Variants in RSU1 observed in about 807,000 individuals in gnomAD.
RSU1 encodes the protein Ras suppressor protein 1, also known as rsu-1.
In RSU1, 26 loss-of-function variants were observed where a neutral mutation model predicts 31.1. The ratio of observed to expected loss-of-function variants is 0.84; its 90% CI spans 0.61 to 1.16. The LOEUF (loss-of-function observed/expected upper bound fraction) is 1.16, where lower values mean the gene tolerates loss of function less well. Ranked by LOEUF, RSU1 falls within the 50% of genes most tolerant of loss-of-function variation. The probability of loss-of-function intolerance (pLI) is 0.00; values close to 1 mark genes in which losing one functional copy is unlikely to be tolerated. For missense variants in RSU1, 320 were observed against 339.1 expected (o/e 0.94, Z 0.44); for synonymous variants, 164 against 136.3 (o/e 1.20, Z -1.41).
chr10:16,813,193 T>C (rs1838446112), intron 2 of RSU1, among the ~76,000 whole-genome samples: 3 of 152,146 alleles, frequency 2.0e-5, no homozygotes, highest in African/African-American at 7.2e-5. Context: ...TCTTGGAAGC[T>C]TTAACGAGAA....
chr10:16,757,511 A>G (rs1239223379), intron 4 of RSU1, among the ~76,000 whole-genome samples: 1 of 152,236 alleles, frequency 6.6e-6, no homozygotes, highest in African/African-American at 2.4e-5. Context: ...AGCAAGAACA[A>G]ACATTCTCCA....
At chr10:16,752,242 C>G (rs1427119014) in intron 7 of RSU1, among the ~76,000 whole-genome samples, 1 of 152,158 alleles carries the variant, frequency 6.6e-6, no homozygotes, top group Non-Finnish European at 1.5e-5. Flanking sequence ...AGGGATAAGG[C>G]TCTTACTACT....
At chr10:16,668,998 G>A (rs551800900) in intron 8 of RSU1, among the ~76,000 whole-genome samples, 3 of 152,280 alleles carry the variant, frequency 2.0e-5, no homozygotes, top group African/African-American at 7.2e-5. Context: ...AAGAGGTGGT[G>A]CACTTTTCCT....
At chr10:16,741,985 G>C (rs960035648) in intron 7 of RSU1, among the ~76,000 whole-genome samples, 43 of 152,220 alleles carry the variant, frequency 2.8e-4, no homozygotes, top group African/African-American at 9.9e-4. Flanking sequence ...ACTGATTACA[G>C]AAATATAATG....
chr10:16,810,898 T>C lies in RSU1; in HGVS notation c.109+6075A>G, dbSNP rs559048219. ...TTTGCCGGCAGTGGTGGCATGTGCC[T>C]GTAATCTACGCTACTTGGGAGGCTG... On this transcript the variant is annotated intron_variant, in intron 2 of 8. Transcript: ENST00000345264. Among the ~76,000 whole-genome samples, 121 of 152,200 alleles carry C rather than the reference T, an allele frequency of 8.0e-4. 3 individuals are homozygous for C. In the South Asian group the frequency reaches 0.024, roughly 31 times the overall value.
chr10:16,657,939 A>C (rs1305373204), intron 8 of RSU1, among the ~76,000 whole-genome samples: 2 of 152,132 alleles, frequency 1.3e-5, no homozygotes, highest in African/African-American at 2.4e-5. Flanking sequence ...GCAGTGAGCC[A>C]AGATCACACG....
Position 16,705,681 on chromosome 10 carries a change from G to A in RSU1, c.599-10526C>T, listed in dbSNP as rs112983805. Among the ~76,000 whole-genome samples the A allele has an allele frequency of 7.5e-3, 1,139 of 152,126 alleles. 13 individuals are homozygous for A. Among genetic ancestry groups the A allele is most frequent in the African/African-American group, 0.025 (1,040 of 41,488 alleles). On this transcript the variant is annotated intron_variant, in intron 7 of 8. Coordinates refer to ENST00000345264, the MANE Select transcript of RSU1 (RefSeq NM_012425.4). ...TTTTTGTATTTTTTAGTAGAGATGGGGTTTCACCATGTTGGCCAAGCTGGT... is the reference window on the plus strand; with the variant it reads ...TTTTTGTATTTTTTAGTAGAGATGGAGTTTCACCATGTTGGCCAAGCTGGT...
chr10:16,646,870 C>G (rs1834582290), intron 8 of RSU1, among the ~76,000 whole-genome samples: 1 of 152,142 alleles, frequency 6.6e-6, no homozygotes, highest in African/African-American at 2.4e-5. Context: ...AATCAACACG[C>G]AAACCAAAAC....
intron 8 of RSU1, among the ~76,000 whole-genome samples, chr10:16,679,544 G>T (rs1460259603): frequency 1.3e-5 from 2 of 152,162 alleles, no homozygotes. Flanking sequence ...AGATCTCTGA[G>T]GAAGCGATAT....
intron 7 of RSU1, among the ~76,000 whole-genome samples, chr10:16,702,301 T>A (rs1156791391): frequency 6.6e-6 from 1 of 152,218 alleles, no homozygotes; most frequent in Non-Finnish European, 1.5e-5. Context: ...CAGTCTCCAC[T>A]GAGGAACCGC....
intron 8 of RSU1, among the ~76,000 whole-genome samples, chr10:16,637,026 T>TA (rs1281619102): frequency 2.0e-5 from 3 of 152,046 alleles, no homozygotes; most frequent in East Asian, 1.9e-4. Context: ...GAATGAATAA[T>TA]AAAAAAACGG....
chr10:16,660,009 G>A (rs1164477029), intron 8 of RSU1, among the ~76,000 whole-genome samples: 1 of 152,188 alleles, frequency 6.6e-6, no homozygotes, highest in Non-Finnish European at 1.5e-5. Flanking sequence ...TTTGTGAGCA[G>A]AGGCCCTGAC....
intron 8 of RSU1, among the ~76,000 whole-genome samples, chr10:16,644,423 G>A (rs1311957382): frequency 2.0e-5 from 3 of 152,180 alleles, no homozygotes; most frequent in Admixed American, 1.3e-4. Context: ...CATTTCCCAC[G>A]TGCCAGATAC....
chr10:16,737,874 A>G (rs1836662729), intron 7 of RSU1, among the ~76,000 whole-genome samples: 1 of 152,224 alleles, frequency 6.6e-6, no homozygotes, highest in Admixed American at 6.5e-5. Context: ...TTCACCAACT[A>G]GAGAATACGC....
At chr10:16,681,803 T>A (rs904371964) in intron 8 of RSU1, among the ~76,000 whole-genome samples, 1 of 152,212 alleles carries the variant, frequency 6.6e-6, no homozygotes, top group Non-Finnish European at 1.5e-5. Flanking sequence ...ATATGTGCTG[T>A]ATGTTTTTTA....
intron 4 of RSU1, among the ~76,000 whole-genome samples, chr10:16,756,227 G>A (rs1588515053): frequency 6.6e-6 from 1 of 152,226 alleles, no homozygotes; most frequent in South Asian, 2.1e-4. Flanking sequence ...GTAGGATTCA[G>A]GTTTGCAAGA....
chr10:16,714,456 C>T (rs1462698528), intron 7 of RSU1, among the ~76,000 whole-genome samples: 24 of 152,182 alleles, frequency 1.6e-4, no homozygotes, highest in East Asian at 5.8e-4. Context: ...TATGCGGGAA[C>T]GAGGCTGCCA....
At chr10:16,666,813 C>T (rs1834997643) in intron 8 of RSU1, among the ~76,000 whole-genome samples, 1 of 152,038 alleles carries the variant, frequency 6.6e-6, no homozygotes, top group Non-Finnish European at 1.5e-5. Flanking sequence ...CATGGTGAAA[C>T]CTCATCTTTA....
chr10:16,789,783 G>A (rs1242417189), intron 2 of RSU1, among the ~76,000 whole-genome samples: 1 of 152,158 alleles, frequency 6.6e-6, no homozygotes, highest in African/African-American at 2.4e-5. Context: ...TTCAGAATGA[G>A]CTCCCCCAAA....
Sources: allele counts gnomAD v4.1 joint callset (sites outside exome capture counted in the v4.1 genomes callset), GRCh38; gene constraint gnomAD v4.1.1; transcripts MANE v1.5; gene names NCBI Gene and HGNC (gene_info 2026-07-23, HGNC 2026-07-21).